Variants in SMC6 observed in about 807,000 individuals in gnomAD.
SMC6 encodes structural maintenance of chromosomes protein 6.
Under a neutral mutation model 142.2 loss-of-function variants are expected in SMC6, and 79 were observed. The observed-to-expected ratio is 0.56, with a 90% CI of 0.46 to 0.67. The LOEUF is 0.67. Ranked by LOEUF, SMC6 falls within the 30% of genes least tolerant of loss-of-function variation. The pLI is 0.00. For missense variants in SMC6, 1,072 were observed against 1,284.0 expected (o/e 0.83, Z 2.52); for synonymous variants, 411 against 412.4 (o/e 1.00, Z 0.04).
chr2:17,743,578 C>A (rs1670581987), intron 3 of SMC6, among the ~76,000 whole-genome samples: 1 of 152,068 alleles, frequency 6.6e-6, no homozygotes, highest in Non-Finnish European at 1.5e-5. Context: ...GATGATGAAC[C>A]CACACTAACA....
intron 6 of SMC6, 124 bp from the exon 7 acceptor site, chr2:17,731,263 T>A (rs941891571): frequency 3.0e-6 from 2 of 655,836 alleles, no homozygotes; most frequent in Non-Finnish European, 5.2e-6. Flanking sequence ...AAAGGTACCA[T>A]TGAATACGTA....
chr2:17,753,223 CT>C (rs1429653741), intron 1 of SMC6, among the ~76,000 whole-genome samples, 159 bp from the exon 2 acceptor site: 9 of 152,108 alleles, frequency 5.9e-5, no homozygotes, highest in African/African-American at 2.2e-4. Context: ...CAGTTGCCGC[CT>C]GCGAGATATC....
At chr2:17,735,588 C>T (rs768772198) in intron 5 of SMC6, among the ~76,000 whole-genome samples, 7 of 152,258 alleles carry the variant, frequency 4.6e-5, no homozygotes, top group Non-Finnish European at 1.0e-4. Flanking sequence ...CCCAAGGCTA[C>T]CAGGGTTGGT....
At position 17,683,649 on chromosome 2, in the gene SMC6, TTGA is replaced by T. The variant is rs768705711; in HGVS notation, c.2790_2792del (p.Tyr930_Gln931delinsTer). On this transcript the variant is annotated stop_gained and inframe_deletion, in exon 24 of 28. Transcript: ENST00000448223. LOFTEE classifies it high-confidence loss of function. ...TTCAATGTACTTACCTTCTAAATTG[TTGA>T]TATGTCTTGAATCTGTGCTCCATGA... The T allele has an allele frequency of 6.2e-7, 1 of 1,610,292 alleles. No individual in the cohort carries two copies. Among genetic ancestry groups the T allele is most frequent in the South Asian group, 1.1e-5 (1 of 90,616 alleles).
chr2:17,735,561 T>TA (rs780430446), intron 5 of SMC6, among the ~76,000 whole-genome samples: 32 of 152,296 alleles, frequency 2.1e-4, no homozygotes, highest in Non-Finnish European at 3.5e-4. Flanking sequence ...TGTCAAAAAT[T>TA]AGACTACTGC....
intron 25 of SMC6, among the ~76,000 whole-genome samples, chr2:17,673,837 G>A (rs148665486): frequency 0.013 from 2,031 of 151,940 alleles, 25 homozygotes; most frequent in African/African-American, 0.031. Context: ...CCAAAGTGCC[G>A]GGATTATAGG....
In SMC6 at chr2:17,665,538, G is replaced by C; in HGVS notation, c.3237C>G (p.Phe1079Leu). 1.9e-6 allele frequency: 3 copies of C among 1,611,140 alleles called. No individual in the cohort carries two copies. The highest frequency in any genetic ancestry group is 2.5e-6 in the Non-Finnish European group (3 of 1,178,438). ...DPERGQTTLP[F>L]RPVTQEEDDD... The stretch of plus-strand genomic sequence containing the variant: ...CATCTTCTTCTTGAGTCACAGGTCT[G>C]AAAGGCAATGTAGTTTGTCCTCTTT... The change falls in exon 28 of 28, where the codon TTC becomes TTG. Residue 1079 changes from phenylalanine to leucine, a missense_variant. Phe to Leu is a conservative substitution (Grantham distance 22, BLOSUM62 0). Around this residue, in one of 3 missense-constraint regions of SMC6, gnomAD observed 76 missense variants for 112.3 expected, o/e 0.68. Coordinates refer to ENST00000448223, the MANE Select transcript of SMC6 (RefSeq NM_001142286.2).
intron 5 of SMC6, among the ~76,000 whole-genome samples, chr2:17,734,166 C>T (rs913416596): frequency 6.6e-6 from 1 of 152,104 alleles, no homozygotes; most frequent in Non-Finnish European, 1.5e-5. Flanking sequence ...GCCAGAGATG[C>T]AATTAAAAGA....
chr2:17,714,663 A>T (rs1363136287), intron 16 of SMC6, among the ~76,000 whole-genome samples, 198 bp downstream of exon 16: 3 of 152,162 alleles, frequency 2.0e-5, no homozygotes, highest in African/African-American at 7.2e-5. Context: ...CCCACATATA[A>T]GAACTTCAAT....
At chr2:17,692,316 C>A (rs943070430) in intron 23 of SMC6, among the ~76,000 whole-genome samples, 5 of 152,156 alleles carry the variant, frequency 3.3e-5, no homozygotes, top group African/African-American at 7.2e-5. Context: ...TACTACAAGG[C>A]TACAGTAACC....
chr2:17,734,373 T>A (rs2125053451), intron 5 of SMC6, among the ~76,000 whole-genome samples: 1 of 152,322 alleles, frequency 6.6e-6, no homozygotes, highest in Non-Finnish European at 1.5e-5. Flanking sequence ...TAAGACAGAT[T>A]ATGCCTCAGA....
chr2:17,716,265 C>T lies in SMC6; in HGVS notation c.1347-1G>A. ...ATGCTTCACATCTAATTCTTCTCTC[C>T]TAAAAAACAAAAGCAGAAAAACAGA... On this transcript the variant is annotated splice_acceptor_variant, in intron 14 of 27. Coordinates refer to ENST00000448223, the MANE Select transcript of SMC6 (RefSeq NM_001142286.2). LOFTEE classifies it high-confidence loss of function. The T allele has an allele frequency of 6.3e-7, 1 of 1,599,562 alleles. No homozygotes were observed. The highest frequency in any genetic ancestry group is 8.5e-7 in the Non-Finnish European group (1 of 1,175,744).
chr2:17,752,933 G>T (rs1671133962), intron 2 of SMC6, 45 bp downstream of exon 2: 1 of 753,750 alleles, frequency 1.3e-6, no homozygotes, highest in Non-Finnish European at 1.6e-6. Context: ...CTGTCTTGAG[G>T]GCTCAAACAC....
intron 8 of SMC6, 37 bp from the exon 9 acceptor site, chr2:17,725,395 T>C (rs1408278886): frequency 3.5e-6 from 5 of 1,422,074 alleles, no homozygotes; most frequent in Non-Finnish European, 4.8e-6. Flanking sequence ...AATTAGGAGT[T>C]TGTAAACTTC....
chr2:17,672,108 A>G (rs1666788551), intron 25 of SMC6, among the ~76,000 whole-genome samples: 1 of 152,144 alleles, frequency 6.6e-6, no homozygotes, highest in Non-Finnish European at 1.5e-5. Context: ...AATCAAGCAA[A>G]TAAAAATTCC....
intron 23 of SMC6, among the ~76,000 whole-genome samples, chr2:17,688,705 C>T (rs557975572): frequency 6.8e-4 from 103 of 152,032 alleles, no homozygotes; most frequent in Non-Finnish European, 8.8e-4. Context: ...GAGAGAAAAA[C>T]CTAATCCAAG....
chr2:17,694,255 G>A (rs1280683830), intron 23 of SMC6, among the ~76,000 whole-genome samples: 3 of 152,052 alleles, frequency 2.0e-5, no homozygotes, highest in African/African-American at 7.2e-5. Context: ...GTACAACCAC[G>A]CAGTTAGATA....
chr2:17,695,265 T>C lies in SMC6; in HGVS notation c.2565A>G (p.Pro855=). 1 of 1,613,240 alleles carries C rather than the reference T, an allele frequency of 6.2e-7. No homozygotes were observed. The highest frequency in any genetic ancestry group is 8.5e-7 in the Non-Finnish European group (1 of 1,179,772). Residue 855 remains proline (P), a synonymous_variant, in exon 23 of 28, where the codon CCA becomes CCG. Coordinates refer to ENST00000448223, the MANE Select transcript of SMC6 (RefSeq NM_001142286.2). ...CAGATTTTTCTACTTCTATACGCTCTGGGCAGATTTGTCTTGCTTGTGACA... is the reference window on the plus strand; with the variant it reads ...CAGATTTTTCTACTTCTATACGCTCCGGGCAGATTTGTCTTGCTTGTGACA... The part of the protein sequence containing the change: ...EKMSQARQIC[P]ERIEVEKSAS...
intron 17 of SMC6, among the ~76,000 whole-genome samples, chr2:17,708,194 TA>T (rs1376857841): frequency 4.6e-5 from 7 of 151,926 alleles, no homozygotes; most frequent in African/African-American, 1.7e-4. Context: ...AACAAGCACA[TA>T]AAAACACCTA....
Sources: allele counts gnomAD v4.1 joint callset (sites outside exome capture counted in the v4.1 genomes callset), GRCh38; gene constraint gnomAD v4.1.1; regional missense constraint gnomAD v4.1.1; transcripts MANE v1.5; gene names NCBI Gene and HGNC (gene_info 2026-07-23, HGNC 2026-07-21).